The following RAI14 variants were observed in gnomAD, a reference collection of about 807,000 sequenced individuals.
RAI14 encodes ankycorbin.
A neutral mutation model predicts 115.4 loss-of-function variants in RAI14; 45 were observed. The observed-to-expected ratio is 0.39, with a 90% confidence interval of 0.31 to 0.50. The LOEUF (loss-of-function observed/expected upper bound fraction) is 0.50, where lower values mean the gene tolerates loss of function less well. Among genes scored for constraint, RAI14 ranks in the 20% least tolerant of loss-of-function variants. The probability of loss-of-function intolerance (pLI) is 0.85; values close to 1 mark genes in which losing one functional copy is unlikely to be tolerated. For synonymous variants in RAI14, 371 were observed against 415.4 expected, an observed-to-expected ratio of 0.89 and a Z score of 1.30; for missense variants, 939 against 1,131.2, an observed-to-expected ratio of 0.83 and a Z score of 2.44.
chr5:34,757,538 C>A lies in RAI14; in HGVS notation c.107C>A (p.Ala36Asp), dbSNP rs770587042. The change falls in exon 3 of 18, where the codon GCC becomes GAC. Residue 36 changes from alanine (A) to aspartate (D), a missense_variant. Transcript: ENST00000265109. ...GAGAATGGAGATGCGGAGAAGGTGG[C>A]CTCACTGCTCGGCAAGAAGGGGGCC... The part of the protein sequence containing the change: ...AVENGDAEKV[A>D]SLLGKKGASA... The A allele has an allele frequency of 6.2e-7, 1 of 1,613,912 alleles. No individual in the cohort carries two copies.
intron 5 of RAI14, among the ~76,000 whole-genome samples, chr5:34,807,093 C>T (rs1038953332): frequency 6.6e-6 from 1 of 152,206 alleles, no homozygotes; most frequent in African/African-American, 2.4e-5. Context: ...TTAGGACCTC[C>T]GCATTTGGGA....
intron 4 of RAI14, among the ~76,000 whole-genome samples, chr5:34,800,495 T>G (rs1031758640): frequency 6.6e-6 from 1 of 152,170 alleles, no homozygotes; most frequent in Admixed American, 6.5e-5. Context: ...ACTAAAATAG[T>G]ATTTCGTCCA....
chr5:34,787,837 G>A (rs545922882), intron 3 of RAI14, among the ~76,000 whole-genome samples: 5 of 131,970 alleles, frequency 3.8e-5, no homozygotes, highest in Non-Finnish European at 4.8e-5. Flanking sequence ...TATGTTTTTA[G>A]TATATACATT....
Position 34,823,252 on chromosome 5 carries a change from C to G in RAI14, c.1410C>G (p.Asn470Lys), listed in dbSNP as rs750678855. 6 of 1,614,070 alleles carry G rather than the reference C, an allele frequency of 3.7e-6. No individual in the cohort carries two copies. In the South Asian group the frequency reaches 5.5e-5, roughly 15 times the overall value. ...QSRRAELVCL[N>K]NTEISENSSD... ...GAAGGGCAGAACTGGTATGCTTAAA[C>G]AACACTGAGATTTCAGAGAACAGCT... Residue 470 changes from asparagine (N) to lysine (K), a missense_variant, in exon 15 of 18, where the codon AAC becomes AAG. Coordinates refer to ENST00000265109, the MANE Select transcript of RAI14 (RefSeq NM_015577.3). This position sits in a 1 kb window ranked among gnomAD's most constrained non-coding sequence, Gnocchi z 4.5.
intron 16 of RAI14, 55 bp downstream of exon 16, chr5:34,826,534 C>T: frequency 1.3e-6 from 2 of 1,577,854 alleles, no homozygotes; most frequent in Non-Finnish European, 1.7e-6. Flanking sequence ...GGCAGATTTC[C>T]TACCATCTCA....
chr5:34,766,239 A>C (rs112841602), intron 3 of RAI14, among the ~76,000 whole-genome samples: 15,644 of 152,176 alleles, frequency 0.1, 1,012 homozygotes, highest in East Asian at 0.23. Flanking sequence ...AGAGGGCCAC[A>C]ATCCTCCAGC....
intron 3 of RAI14, among the ~76,000 whole-genome samples, chr5:34,758,494 G>A (rs574998995): frequency 5.8e-4 from 89 of 152,220 alleles, no homozygotes; most frequent in African/African-American, 1.9e-3. Flanking sequence ...CCCAGGAAGC[G>A]TAAGAAAGGA....
intron 3 of RAI14, among the ~76,000 whole-genome samples, chr5:34,763,610 C>T (rs966308018): frequency 6.6e-6 from 1 of 152,098 alleles, no homozygotes; most frequent in African/African-American, 2.4e-5. Context: ...AACACCTAGT[C>T]GGAAAGACAA....
chr5:34,743,647 C>A (rs1745806186), intron 2 of RAI14, among the ~76,000 whole-genome samples: 1 of 152,198 alleles, frequency 6.6e-6, no homozygotes, highest in African/African-American at 2.4e-5. Flanking sequence ...TGGACTCCTA[C>A]CCTAACCTTG....
At chr5:34,674,976 A>G (rs1028511534) in intron 1 of RAI14, among the ~76,000 whole-genome samples, 21 of 149,822 alleles carry the variant, frequency 1.4e-4, no homozygotes, top group African/African-American at 5.2e-4. Flanking sequence ...AGCTCACTGC[A>G]ACCTCCACCT....
intron 1 of RAI14, among the ~76,000 whole-genome samples, chr5:34,681,478 A>G (rs1464516025): frequency 1.3e-5 from 2 of 152,092 alleles, no homozygotes; most frequent in East Asian, 1.9e-4. Context: ...ATGTATTCCT[A>G]TATTCCGTGA....
intron 6 of RAI14, 94 bp from the exon 7 acceptor site, chr5:34,808,490 T>C (rs1755185045): frequency 1.8e-6 from 2 of 1,114,094 alleles, no homozygotes; most frequent in African/African-American, 1.5e-5. Flanking sequence ...GTAGAGTGGG[T>C]AGAACATGAA....
chr5:34,721,291 GTATATATATATATA>G (rs10538679), intron 2 of RAI14, among the ~76,000 whole-genome samples: 204 of 131,138 alleles, frequency 1.6e-3, no homozygotes, highest in Middle Eastern at 4.0e-3. Flanking sequence ...ATGTAGATGT[GTATATATATATATA>G]TATATATATA....
In RAI14 at chr5:34,811,890, C is replaced by A; in HGVS notation, c.681C>A (p.Leu227=). 1 of 1,613,258 alleles carries A rather than the reference C, an allele frequency of 6.2e-7. No homozygotes were observed. Among genetic ancestry groups the A allele is most frequent in the Non-Finnish European group, 8.5e-7 (1 of 1,179,636 alleles). The change falls in exon 9 of 18, where the codon CTC becomes CTA. Residue 227 remains leucine (L), a synonymous_variant. Transcript: ENST00000265109. ...LGYNALHYSK[L]SENAGIQSLL... ...ACAATGCCTTACATTATTCCAAACTCTCAGAAAATGCAGGAATTCAAAGCC... is the reference window on the plus strand; with the variant it reads ...ACAATGCCTTACATTATTCCAAACTATCAGAAAATGCAGGAATTCAAAGCC...
chr5:34,658,908 A>G (rs1742481735), intron 1 of RAI14: 2 of 152,142 alleles, frequency 1.3e-5, no homozygotes, highest in Non-Finnish European at 2.9e-5. Flanking sequence ...TAATATTTTC[A>G]TATTTGATCC....
At chr5:34,733,277 C>A (rs1346557838) in intron 2 of RAI14, 1 of 152,172 alleles carries the variant, frequency 6.6e-6, no homozygotes, top group Non-Finnish European at 1.5e-5. Flanking sequence ...ATAGAAGGTG[C>A]TCAATGAATA....
chr5:34,751,245 C>T (rs1453183707), intron 2 of RAI14, among the ~76,000 whole-genome samples: 6 of 149,546 alleles, frequency 4.0e-5, no homozygotes, highest in South Asian at 2.1e-4. Context: ...TGGGTTCAAG[C>T]GATTCTCCTG....
At chr5:34,688,213 A>C (rs1257127497) in intron 2 of RAI14, 9 of 1,551,428 alleles carry the variant, frequency 5.8e-6, no homozygotes, top group African/African-American at 1.4e-5. Context: ...TATGCAGCCT[A>C]CATATCTCCC....
intron 3 of RAI14, among the ~76,000 whole-genome samples, chr5:34,780,726 G>T (rs1047070034): frequency 2.6e-5 from 4 of 152,186 alleles, no homozygotes; most frequent in African/African-American, 9.7e-5. Flanking sequence ...GGAAACAGGT[G>T]CTGGAGAGGA....
Sources: gnomAD v4.1 joint callset for allele counts (sites outside exome capture counted in the v4.1 genomes callset) on GRCh38, gnomAD v4.1.1 for gene constraint, Gnocchi (gnomAD v3.1) non-coding constraint, MANE v1.5 for transcripts, NCBI Gene and HGNC (gene_info 2026-07-23, HGNC 2026-07-21) for gene names.